The following C2CD3 variants were observed in gnomAD, a reference collection of about 807,000 sequenced individuals.
C2CD3 encodes the protein C2 domain containing 3 centriole elongation regulator, also known as C2 domain-containing protein 3.
Under a neutral mutation model 234.0 loss-of-function variants are expected in C2CD3, and 148 were observed. The ratio of observed to expected loss-of-function variants is 0.63; its 90% CI spans 0.55 to 0.72. The LOEUF (loss-of-function observed/expected upper bound fraction) is 0.72. C2CD3 is among the 30% of genes least tolerant of loss of function. The pLI is 0.00. For missense variants in C2CD3, 2,577 were observed against 2,811.5 expected, an observed-to-expected ratio of 0.92 and a Z score of 1.89; for synonymous variants, 1,000 against 1,035.4, an observed-to-expected ratio of 0.97 and a Z score of 0.66.
intron 5 of C2CD3, among the ~76,000 whole-genome samples, chr11:74,137,567 T>TTATA (rs201223239): frequency 1.3e-5 from 2 of 149,466 alleles, no homozygotes; most frequent in South Asian, 2.1e-4. Flanking sequence ...TTTTGGAATT[T>TTATA]TATATATATA....
intron 16 of C2CD3, among the ~76,000 whole-genome samples, chr11:74,095,968 G>A (rs1007757423): frequency 2.0e-5 from 3 of 152,122 alleles, no homozygotes; most frequent in African/African-American, 7.2e-5. Context: ...TAGCAAACAG[G>A]TACTAATTAC....
At chr11:74,036,579 TG>T (rs1320751730) in intron 30 of C2CD3, 1 of 450,950 alleles carries the variant, frequency 2.2e-6, no homozygotes, top group African/African-American at 2.0e-5. Context: ...TCTTCATCCC[TG>T]TGTAGAATCT....
chr11:74,046,979 T>C (rs955818726), intron 28 of C2CD3, among the ~76,000 whole-genome samples: 9 of 152,236 alleles, frequency 5.9e-5, no homozygotes, highest in Admixed American at 3.9e-4. Flanking sequence ...TCTATTCTCA[T>C]TTACTCTTTG....
chr11:74,052,534 G>A (rs965678868), intron 26 of C2CD3, among the ~76,000 whole-genome samples: 1 of 152,184 alleles, frequency 6.6e-6, no homozygotes, highest in Non-Finnish European at 1.5e-5. Flanking sequence ...AATAAGTGCT[G>A]ACTTGTGAAC....
At chr11:74,059,728 A>C (rs918323529) in intron 24 of C2CD3, among the ~76,000 whole-genome samples, 32 of 152,158 alleles carry the variant, frequency 2.1e-4, no homozygotes, top group African/African-American at 7.7e-4. Context: ...AACGCAGAAG[A>C]CGGTTGATTT....
At chr11:74,080,075 C>G (rs1226922520) in intron 22 of C2CD3, among the ~76,000 whole-genome samples, 2 of 152,100 alleles carry the variant, frequency 1.3e-5, no homozygotes, top group African/African-American at 4.8e-5. Flanking sequence ...CAGCTGAGGT[C>G]AGATTTGGCT....
chr11:74,145,522 T>C (rs926379943), intron 3 of C2CD3, among the ~76,000 whole-genome samples: 3 of 152,200 alleles, frequency 2.0e-5, no homozygotes, highest in Non-Finnish European at 2.9e-5. Context: ...CCTCTGTTGA[T>C]AGTTTCTTTT....
intron 2 of C2CD3, among the ~76,000 whole-genome samples, chr11:74,167,235 C>A (rs1053177290): frequency 6.6e-6 from 1 of 152,046 alleles, no homozygotes; most frequent in African/African-American, 2.4e-5. Flanking sequence ...TAATAAATAC[C>A]TTCTCTCTTA....
intron 7 of C2CD3, chr11:74,130,078 G>C (rs547124751): frequency 2.0e-5 from 3 of 147,078 alleles, no homozygotes; most frequent in Non-Finnish European, 3.0e-5. Context: ...AGAGGGAGAC[G>C]GAGACCGTGG....
chr11:74,071,508 AC>A (rs1565254697), intron 24 of C2CD3, among the ~76,000 whole-genome samples: 1 of 152,158 alleles, frequency 6.6e-6, no homozygotes. Context: ...GAGCGCATTA[AC>A]TATGTAACTT....
intron 27 of C2CD3, among the ~76,000 whole-genome samples, chr11:74,048,999 C>T (rs1323739998): frequency 1.3e-5 from 2 of 152,120 alleles, no homozygotes; most frequent in African/African-American, 2.4e-5. Flanking sequence ...CTAATGATAT[C>T]AATGTAACAG....
intron 9 of C2CD3, among the ~76,000 whole-genome samples, chr11:74,117,371 T>TATATATATAC (rs1957058993): frequency 1.5e-5 from 1 of 67,370 alleles, no homozygotes; most frequent in Admixed American, 1.2e-4. Flanking sequence ...AATATATATA[T>TATATATATAC]ATATATATAT....
chr11:74,156,214 CAGTGAG>C, intron 3 of C2CD3, among the ~76,000 whole-genome samples: 1 of 151,468 alleles, frequency 6.6e-6, no homozygotes, highest in Admixed American at 6.6e-5. Flanking sequence ...GTGGAGGTTG[CAGTGAG>C]CTGAGATCGC....
chr11:74,161,635 T>G, intron 2 of C2CD3, 79 bp from the exon 3 acceptor site: 9 of 895,886 alleles, frequency 1.0e-5, no homozygotes, highest in Non-Finnish European at 1.5e-5. Flanking sequence ...GAGGGGTATA[T>G]GCGGAAAAGC....
intron 11 of C2CD3, among the ~76,000 whole-genome samples, chr11:74,111,959 C>CAT (rs1956765310): frequency 7.4e-6 from 1 of 134,766 alleles, no homozygotes; most frequent in African/African-American, 3.3e-5. Flanking sequence ...CACACACACA[C>CAT]ACACACACAC....
chr11:74,089,315 T>TAAAC (rs568406877), intron 20 of C2CD3, among the ~76,000 whole-genome samples: 1 of 152,044 alleles, frequency 6.6e-6, no homozygotes, highest in Non-Finnish European at 1.5e-5. Flanking sequence ...AAGTTGAAAT[T>TAAAC]AAACAAACAA....
rs192303947 is a variant in C2CD3 at position 74,149,044 on chromosome 11, T to C, written c.484-9216A>G. Among the ~76,000 whole-genome samples, 9 of 152,344 alleles carry C rather than the reference T, an allele frequency of 5.9e-5. No individual in the cohort carries two copies. The East Asian group carries it at 1.7e-3, about 29-fold the overall frequency. On this transcript the variant is annotated intron_variant, in intron 3 of 32. Coordinates refer to ENST00000334126, the MANE Select transcript of C2CD3 (RefSeq NM_001286577.2). ...CTCACAGGCGGCCACTTTCAATTTC[T>C]ATACCTGATTCCTGTGGTATTTACC...
In C2CD3 at chr11:74,100,596, C is replaced by T. The variant is rs774635077; in HGVS notation, c.2661G>A (p.Val887=). 1 of 1,614,100 alleles carries T rather than the reference C, an allele frequency of 6.2e-7. No homozygotes were observed. Among genetic ancestry groups the T allele is most frequent in the Non-Finnish European group, 8.5e-7 (1 of 1,179,946 alleles). Reference sequence around the variant, plus strand: ...GCAGCTTGTCCTGTCCTGGGCTCCGCACCTTATTCCAAGTTTCAATTACCA... The same window carrying T: ...GCAGCTTGTCCTGTCCTGGGCTCCGTACCTTATTCCAAGTTTCAATTACCA... ...NVMVIETWNK[V]RSPGQDKLLG... is the part of the protein sequence containing the mutation. The change falls in exon 15 of 33, where the codon GTG becomes GTA. Residue 887 remains valine, a synonymous_variant. Coordinates refer to ENST00000334126, the MANE Select transcript of C2CD3 (RefSeq NM_001286577.2).
intron 24 of C2CD3, among the ~76,000 whole-genome samples, chr11:74,058,825 C>A (rs972984402): frequency 1.3e-5 from 2 of 151,840 alleles, no homozygotes; most frequent in African/African-American, 4.8e-5. Context: ...TGTGGCCATT[C>A]ACCTTTAAAT....
Sources: allele counts gnomAD v4.1 joint callset (sites outside exome capture counted in the v4.1 genomes callset), GRCh38; gene constraint gnomAD v4.1.1; transcripts MANE v1.5; gene names NCBI Gene and HGNC (gene_info 2026-07-23, HGNC 2026-07-21).